Variants in BCO2 observed in about 807,000 individuals in gnomAD.
BCO2 encodes carotenoid-cleaving dioxygenase, mitochondrial.
In BCO2, 56 loss-of-function variants were observed where a neutral mutation model predicts 65.8. The observed-to-expected ratio is 0.85, with a 90% confidence interval of 0.69 to 1.06. BCO2 has a LOEUF of 1.06. Ranked by LOEUF, BCO2 falls within the 50% of genes least tolerant of loss-of-function variation. The pLI is 0.00. For synonymous variants in BCO2, 233 were observed against 242.3 expected, an observed-to-expected ratio of 0.96 and a Z score of 0.36; for missense variants, 675 against 698.5, an observed-to-expected ratio of 0.97 and a Z score of 0.38.
At chr11:112,183,271 T>A in intron 2 of BCO2, 1 of 708,186 alleles carries the variant, frequency 1.4e-6, no homozygotes, top group Non-Finnish European at 2.6e-6. Flanking sequence ...CACTCAGTTG[T>A]CTAGAAGAAA....
chr11:112,190,856 C>CAA (rs945768260), intron 2 of BCO2, among the ~76,000 whole-genome samples: 4 of 62,206 alleles, frequency 6.4e-5, no homozygotes, highest in Admixed American at 1.7e-4. Flanking sequence ...GACTCTGTCT[C>CAA]AAAAAAAAAA....
intron 2 of BCO2, chr11:112,182,726 A>T (rs1384196734): frequency 1.0e-5 from 5 of 491,932 alleles, no homozygotes; most frequent in African/African-American, 7.8e-5. Context: ...GCACGGAGGG[A>T]TAGAATTAGG....
At chr11:112,183,440 G>C (rs1188384677) in intron 2 of BCO2, among the ~76,000 whole-genome samples, 1 of 152,078 alleles carries the variant, frequency 6.6e-6, no homozygotes, top group Non-Finnish European at 1.5e-5. Flanking sequence ...CTTTTTGAAC[G>C]GGGTAGGAGG....
intron 10 of BCO2, chr11:112,215,264 A>G (rs1390139986): frequency 1.8e-5 from 6 of 339,342 alleles, no homozygotes; most frequent in Non-Finnish European, 3.3e-5. Context: ...TTTGATGGTG[A>G]TGGAATCTGG....
At chr11:112,184,475 G>T (rs892077121) in intron 2 of BCO2, among the ~76,000 whole-genome samples, 1 of 151,932 alleles carries the variant, frequency 6.6e-6, no homozygotes, top group East Asian at 1.9e-4. Context: ...GGATGGTCTC[G>T]ATCTCCTGAC....
chr11:112,186,550 C>T (rs1339587395), intron 2 of BCO2, among the ~76,000 whole-genome samples: 3 of 152,156 alleles, frequency 2.0e-5, no homozygotes, highest in South Asian at 2.1e-4. Flanking sequence ...TAAGAATAGC[C>T]CTGCTCACTT....
chr11:112,180,102 T>C (rs1171835846), intron 2 of BCO2, among the ~76,000 whole-genome samples: 1 of 152,248 alleles, frequency 6.6e-6, no homozygotes, highest in Non-Finnish European at 1.5e-5. Flanking sequence ...AATGCTTTTA[T>C]TTGCTTTTAA....
At chr11:112,213,656 T>A in intron 8 of BCO2, 68 bp from the exon 9 acceptor site, 3 of 1,430,976 alleles carry the variant, frequency 2.1e-6, no homozygotes, top group Non-Finnish European at 9.7e-7. Flanking sequence ...GTTGACTGGA[T>A]CTAAATTATT....
At chr11:112,181,151 G>A (rs1346333375) in intron 2 of BCO2, 34 of 1,204,984 alleles carry the variant, frequency 2.8e-5, no homozygotes, top group East Asian at 1.9e-4. Context: ...AGGTGTCTGG[G>A]GAAGTAAGCA....
intron 2 of BCO2, chr11:112,182,774 G>A: frequency 1.7e-6 from 1 of 602,210 alleles, no homozygotes; most frequent in Non-Finnish European, 2.9e-6. Flanking sequence ...AATGGGTGCA[G>A]CACACCAACA....
intron 2 of BCO2, chr11:112,182,843 AT>A: frequency 3.7e-6 from 3 of 805,180 alleles, no homozygotes; most frequent in Non-Finnish European, 5.8e-6. Context: ...CCTAGAACTT[AT>A]ATATATATAA....
At chr11:112,201,391 A>G (rs1386575785) in intron 7 of BCO2, among the ~76,000 whole-genome samples, 1 of 151,784 alleles carries the variant, frequency 6.6e-6, no homozygotes, top group Non-Finnish European at 1.5e-5. Flanking sequence ...CTCGTGATCC[A>G]CCTGCCTCAG....
chr11:112,179,276 A>G lies in BCO2; in HGVS notation c.89-2A>G. 1.9e-6 allele frequency: 3 copies of G among 1,614,002 alleles called. No individual in the cohort carries two copies. The highest frequency in any genetic ancestry group is 2.5e-6 in the Non-Finnish European group (3 of 1,179,886). ...TTTGTGCTTTTGGTTTCCTCTGCACAGTTTTCAAAAGGTACATGGGAAATA... is the reference window on the plus strand; with the variant it reads ...TTTGTGCTTTTGGTTTCCTCTGCACGGTTTTCAAAAGGTACATGGGAAATA... On this transcript the variant is annotated splice_acceptor_variant, in intron 1 of 11. Transcript: ENST00000357685. LOFTEE classifies it high-confidence loss of function.
At chr11:112,203,847 A>AT (rs550079991) in intron 8 of BCO2, among the ~76,000 whole-genome samples, 80 of 149,544 alleles carry the variant, frequency 5.3e-4, no homozygotes, top group South Asian at 4.3e-3. Context: ...AGATCATGCA[A>AT]TTTTTTTTTC....
In BCO2 at chr11:112,217,913, A is replaced by C; in HGVS notation, c.*39A>C. 1 of 1,406,328 alleles carries C rather than the reference A, an allele frequency of 7.1e-7. No homozygotes were observed. Among genetic ancestry groups the C allele is most frequent in the Non-Finnish European group, 1.0e-6 (1 of 1,004,822 alleles). The allele number at this position is 1,406,328 out of a possible 1,614,324, so 87.1% of individuals were successfully genotyped here. A position where few individuals can be genotyped will look rare whatever the true frequency, so the allele number is the denominator to read the frequency against. On this transcript the variant is annotated 3_prime_UTR_variant, in exon 12 of 12. Transcript: ENST00000357685. ...AGGTCTGGAAACTAGGTTTAAAATA[A>C]GTGTGCACTTGGACATAAAGACTGG...
chr11:112,198,336 G>C (rs540203231), intron 5 of BCO2, among the ~76,000 whole-genome samples: 2 of 152,044 alleles, frequency 1.3e-5, no homozygotes, highest in East Asian at 3.9e-4. Context: ...AAAAAATGAA[G>C]AAGAAGCCAG....
chr11:112,202,290 T>C (rs935427625), intron 8 of BCO2, 100 bp downstream of exon 8: 21 of 1,145,878 alleles, frequency 1.8e-5, no homozygotes, highest in Non-Finnish European at 2.3e-5. Flanking sequence ...TCTCTCTCTC[T>C]TTTTTCTTTT....
At chr11:112,181,428 G>A (rs1214270211) in intron 2 of BCO2, 14 of 616,490 alleles carry the variant, frequency 2.3e-5, no homozygotes, top group African/African-American at 9.2e-5. Flanking sequence ...TGATCCGCCC[G>A]CCTCGGCCTC....
At chr11:112,197,829 G>A (rs1333277714) in intron 5 of BCO2, among the ~76,000 whole-genome samples, 1 of 152,032 alleles carries the variant, frequency 6.6e-6, no homozygotes, top group Admixed American at 6.6e-5. Context: ...GTCATGATAG[G>A]GCCACACTGG....
Sources: allele counts gnomAD v4.1 joint callset (sites outside exome capture counted in the v4.1 genomes callset), GRCh38; gene constraint gnomAD v4.1.1; transcripts MANE v1.5; gene names NCBI Gene and HGNC (gene_info 2026-07-23, HGNC 2026-07-21).